Variants in PCDH15 observed in about 807,000 individuals in gnomAD.
PCDH15 encodes the protein protocadherin related 15.
A neutral mutation model predicts 178.5 loss-of-function variants in PCDH15; 129 were observed. The ratio of observed to expected loss-of-function variants is 0.72; its 90% CI spans 0.63 to 0.84. PCDH15 has a LOEUF of 0.84. Among genes scored for constraint, PCDH15 ranks in the 40% least tolerant of loss-of-function variants. PCDH15 has a pLI of 0.00. For synonymous variants in PCDH15, 800 were observed against 732.0 expected (o/e 1.09, Z -1.50); for missense variants, 2,230 against 2,099.9 (o/e 1.06, Z -1.21).
chr10:55,055,236 C>T (rs934124073), intron 2 of PCDH15, among the ~76,000 whole-genome samples: 2 of 152,068 alleles, frequency 1.3e-5, no homozygotes, highest in African/African-American at 4.8e-5. Flanking sequence ...ATATGGCTAG[C>T]CTGTTATCCA....
intron 8 of PCDH15, among the ~76,000 whole-genome samples, chr10:54,314,671 C>T (rs762753080): frequency 1.3e-5 from 2 of 152,028 alleles, no homozygotes; most frequent in Non-Finnish European, 2.9e-5. Flanking sequence ...ATCTTTTCTG[C>T]TCCTCTGTCT....
At chr10:55,503,310 TAA>T (rs553204093) in intron 2 of PCDH15, among the ~76,000 whole-genome samples, 206 of 149,806 alleles carry the variant, frequency 1.4e-3, no homozygotes, top group African/African-American at 4.7e-3. Context: ...TTAAATAAAC[TAA>T]GTTTCTAATT....
intron 25 of PCDH15, among the ~76,000 whole-genome samples, chr10:53,915,779 C>T (rs932124936): frequency 6.6e-6 from 1 of 152,122 alleles, no homozygotes; most frequent in African/African-American, 2.4e-5. Flanking sequence ...AGGCTGGTCT[C>T]AAACTCCTGA....
intron 1 of PCDH15, among the ~76,000 whole-genome samples, chr10:54,732,374 C>T (rs1471103854): frequency 6.6e-6 from 1 of 151,310 alleles, no homozygotes; most frequent in African/African-American, 2.4e-5. Flanking sequence ...CACTATAGAA[C>T]TTAAAAATAA....
chr10:55,233,895 A>G (rs1241002407), intron 1 of PCDH15, among the ~76,000 whole-genome samples: 6 of 152,114 alleles, frequency 3.9e-5, no homozygotes, highest in African/African-American at 1.5e-4. Flanking sequence ...ACCACCCCCA[A>G]AAATGATTGT....
In PCDH15 at chr10:54,946,888, T is replaced by C. The variant is rs114332962; in HGVS notation, c.-79-49388A>G. ...ATAGATAATTCAATTCACAAAACAT[T>C]GAATAAAACACAATATTTGAGAACT... On this transcript the variant is annotated intron_variant, in intron 2 of 5. Transcript: ENST00000458638. 8.9e-3 allele frequency among the ~76,000 whole-genome samples: 1,349 copies of C among 151,918 alleles called. 16 individuals carry two copies. Among genetic ancestry groups the C allele is most frequent in the African/African-American group, 0.03 (1,252 of 41,502 alleles).
chr10:54,352,370 A>G lies in PCDH15; in HGVS notation c.475-5886T>C, dbSNP rs1465600575. Reference sequence around the variant, plus strand: ...AATTGGTACAAAAGGATATTATTCAATTTGGAAACTTGCCCCCAAAAAGAG... The same window carrying G: ...AATTGGTACAAAAGGATATTATTCAGTTTGGAAACTTGCCCCCAAAAAGAG... On this transcript the variant is annotated intron_variant, in intron 5 of 37. Transcript: ENST00000644397. Among the ~76,000 whole-genome samples, 6 of 152,270 alleles carry G rather than the reference A, an allele frequency of 3.9e-5. No homozygotes were observed. In the East Asian group the frequency reaches 5.8e-4, roughly 15 times the overall value.
chr10:53,862,763 G>T (rs1444792856), intron 27 of PCDH15, among the ~76,000 whole-genome samples: 1 of 152,138 alleles, frequency 6.6e-6, no homozygotes, highest in Non-Finnish European at 1.5e-5. Flanking sequence ...AGCTTGTTCA[G>T]CTTGCATAGT....
intron 2 of PCDH15, among the ~76,000 whole-genome samples, chr10:55,576,832 TG>T: frequency 6.6e-6 from 1 of 152,336 alleles, no homozygotes; most frequent in South Asian, 2.1e-4. Flanking sequence ...ATGAGTTATT[TG>T]CATCTCATCT....
intron 1 of PCDH15, among the ~76,000 whole-genome samples, chr10:54,741,007 A>G (rs576161803): frequency 2.6e-5 from 4 of 151,992 alleles, no homozygotes; most frequent in Admixed American, 2.0e-4. Context: ...AAAAATGGCT[A>G]GAAGATTTGG....
At chr10:54,584,934 C>T (rs1306400743) in intron 2 of PCDH15, among the ~76,000 whole-genome samples, 2 of 151,988 alleles carry the variant, frequency 1.3e-5, no homozygotes, top group African/African-American at 4.8e-5. Flanking sequence ...ATGTCAGGAA[C>T]GATGATAAGA....
chr10:53,943,205 C>G (rs1170310954), intron 23 of PCDH15, among the ~76,000 whole-genome samples: 1 of 151,906 alleles, frequency 6.6e-6, no homozygotes, highest in Non-Finnish European at 1.5e-5. Context: ...AATGCTATGT[C>G]GGGCCGGGCG....
At chr10:54,657,762 G>C (rs1038575163) in intron 2 of PCDH15, among the ~76,000 whole-genome samples, 1 of 152,180 alleles carries the variant, frequency 6.6e-6, no homozygotes, top group Non-Finnish European at 1.5e-5. Context: ...AGATGAGAAA[G>C]AATCAATGCA....
At chr10:54,608,713 A>G (rs919856543) in intron 2 of PCDH15, among the ~76,000 whole-genome samples, 2 of 152,038 alleles carry the variant, frequency 1.3e-5, no homozygotes, top group Non-Finnish European at 2.9e-5. Context: ...TACAATTCTG[A>G]CTTTCACATT....
intron 2 of PCDH15, among the ~76,000 whole-genome samples, chr10:55,537,262 A>T (rs961966435): frequency 6.6e-6 from 1 of 152,150 alleles, no homozygotes; most frequent in Non-Finnish European, 1.5e-5. Context: ...AGAGAAATGC[A>T]GTTTTTTAAA....
chr10:54,821,148 T>C (rs1282928988), intron 3 of PCDH15, among the ~76,000 whole-genome samples: 3 of 152,080 alleles, frequency 2.0e-5, no homozygotes, highest in Non-Finnish European at 4.4e-5. Context: ...GGAAATAAAA[T>C]GACACATACG....
chr10:54,639,840 A>G (rs915039247), intron 2 of PCDH15, among the ~76,000 whole-genome samples: 41 of 152,300 alleles, frequency 2.7e-4, no homozygotes, highest in African/African-American at 9.4e-4. Flanking sequence ...GTCACCTGAA[A>G]CTATCACTAT....
intron 3 of PCDH15, among the ~76,000 whole-genome samples, chr10:54,449,811 G>A (rs1195118571): frequency 6.6e-6 from 1 of 151,722 alleles, no homozygotes; most frequent in Non-Finnish European, 1.5e-5. Context: ...TTGAGCATCT[G>A]GAGATTTTGG....
chr10:54,251,981 T>TATC (rs1186806909), intron 8 of PCDH15, among the ~76,000 whole-genome samples: 1 of 152,190 alleles, frequency 6.6e-6, no homozygotes, highest in East Asian at 1.9e-4. Flanking sequence ...CCTGCCTTTT[T>TATC]ATCTTCAGTG....
Sources: gnomAD v4.1 joint callset for allele counts (sites outside exome capture counted in the v4.1 genomes callset) on GRCh38, gnomAD v4.1.1 for gene constraint, MANE v1.5 for transcripts, NCBI Gene and HGNC (gene_info 2026-07-23, HGNC 2026-07-21) for gene names.